Variants in REEP1 observed in about 807,000 individuals in gnomAD.
The protein encoded by REEP1 is receptor expression-enhancing protein 1.
Under a neutral mutation model 40.3 loss-of-function variants are expected in REEP1, and 22 were observed. That is an observed-to-expected ratio of 0.55 (90% CI 0.39 to 0.78). The LOEUF (loss-of-function observed/expected upper bound fraction) is 0.78. REEP1 is among the 30% of genes least tolerant of loss of function. The pLI, the probability that REEP1 is intolerant of heterozygous loss-of-function variation, is 0.00. For missense variants in REEP1, 280 were observed against 361.1 expected (o/e 0.78, Z 1.82); for synonymous variants, 116 against 139.2 (o/e 0.83, Z 1.17).
chr2:86,216,994 A>G lies in REEP1; in HGVS notation c.*45T>C, dbSNP rs146261762. 241 of 1,548,676 alleles carry G rather than the reference A, an allele frequency of 1.6e-4. 2 individuals are homozygous for G. The African/African-American group carries it at 2.8e-3, about 18-fold the overall frequency. On this transcript the variant is annotated 3_prime_UTR_variant, in exon 9 of 9. Transcript: ENST00000538924. ...TTATTAGTGAATAGCTCTTTAAGGC[A>G]GAGAAGAAACATTCTGTGGATCCGG...
intron 1 of REEP1, among the ~76,000 whole-genome samples, chr2:86,325,805 G>C (rs1298486689): frequency 6.6e-6 from 1 of 152,188 alleles, no homozygotes; most frequent in African/African-American, 2.4e-5. Flanking sequence ...AGAAACCTCT[G>C]TTGTTTTAAA....
chr2:86,329,022 G>C (rs1054450892), intron 1 of REEP1, among the ~76,000 whole-genome samples: 7 of 152,204 alleles, frequency 4.6e-5, no homozygotes, highest in Admixed American at 3.9e-4. Flanking sequence ...AGGTCACACA[G>C]ACTTGAAGGA....
chr2:86,284,524 G>C (rs1678284633), intron 1 of REEP1, among the ~76,000 whole-genome samples: 1 of 152,226 alleles, frequency 6.6e-6, no homozygotes, highest in African/African-American at 2.4e-5. Flanking sequence ...TCGGTAGCGA[G>C]GTGGACGCCA....
At chr2:86,318,978 G>A (rs748428580) in intron 1 of REEP1, among the ~76,000 whole-genome samples, 2 of 152,040 alleles carry the variant, frequency 1.3e-5, no homozygotes, top group Non-Finnish European at 2.9e-5. Context: ...ATTGATATTC[G>A]ATATCAGTGT....
intron 5 of REEP1, among the ~76,000 whole-genome samples, chr2:86,235,614 G>A (rs755023005): frequency 1.4e-4 from 21 of 152,122 alleles, no homozygotes; most frequent in African/African-American, 4.1e-4. Flanking sequence ...CCAAATAAAC[G>A]GCCAGGGACG....
intron 2 of REEP1, among the ~76,000 whole-genome samples, chr2:86,271,562 A>G (rs1381615857): frequency 1.3e-5 from 2 of 152,222 alleles, no homozygotes; most frequent in African/African-American, 4.8e-5. Flanking sequence ...CAAAAAATGA[A>G]AGCTGTTCTG....
At chr2:86,262,635 T>C (rs1402135439) in intron 3 of REEP1, among the ~76,000 whole-genome samples, 1 of 152,232 alleles carries the variant, frequency 6.6e-6, no homozygotes, top group African/African-American at 2.4e-5. Context: ...CAGAGGGTAA[T>C]TTCATACTGA....
At chr2:86,230,448 T>TA (rs1674948396) in intron 6 of REEP1, among the ~76,000 whole-genome samples, 1 of 152,226 alleles carries the variant, frequency 6.6e-6, no homozygotes, top group Admixed American at 6.5e-5. Flanking sequence ...CACAGACTCT[T>TA]AGAGGCAAAG....
At chr2:86,225,749 G>C (rs1334485188) in intron 7 of REEP1, among the ~76,000 whole-genome samples, 2 of 152,228 alleles carry the variant, frequency 1.3e-5, no homozygotes, top group Non-Finnish European at 2.9e-5. Flanking sequence ...AGCTATATTA[G>C]GCACCTTGCG....
intron 1 of REEP1, among the ~76,000 whole-genome samples, chr2:86,305,934 G>A (rs982095533): frequency 6.6e-6 from 1 of 152,132 alleles, no homozygotes; most frequent in Admixed American, 6.5e-5. Context: ...CGGGCCACTC[G>A]CCTGCTCGTA....
At chr2:86,260,843 C>T (rs1274197115) in intron 3 of REEP1, among the ~76,000 whole-genome samples, 1 of 152,204 alleles carries the variant, frequency 6.6e-6, no homozygotes, top group Admixed American at 6.5e-5. Flanking sequence ...ATGATTCCAC[C>T]TGTACTTCCG....
chr2:86,332,568 C>T (rs985156197), intron 1 of REEP1, among the ~76,000 whole-genome samples: 4 of 152,068 alleles, frequency 2.6e-5, no homozygotes, highest in African/African-American at 9.7e-5. Context: ...CTCCCCAGGG[C>T]TCCTCCTCCC....
At chr2:86,336,826 CCT>C (rs1301229305) in intron 1 of REEP1, 1 of 152,380 alleles carries the variant, frequency 6.6e-6, no homozygotes, top group African/African-American at 2.4e-5. Context: ...GGTACCTGCC[CCT>C]GTCTCTCAAT....
chr2:86,332,271 T>C (rs1680804184), intron 1 of REEP1, among the ~76,000 whole-genome samples: 1 of 152,100 alleles, frequency 6.6e-6, no homozygotes. Context: ...CCCCTCTCCT[T>C]ACTTCTTTTC....
intron 1 of REEP1, among the ~76,000 whole-genome samples, chr2:86,317,193 T>C (rs1680057100): frequency 6.6e-6 from 1 of 152,162 alleles, no homozygotes; most frequent in Admixed American, 6.5e-5. Flanking sequence ...GGGGCAACTG[T>C]TCTAGGTTGG....
intron 7 of REEP1, among the ~76,000 whole-genome samples, chr2:86,225,127 G>A (rs569637615): frequency 4.6e-5 from 7 of 152,164 alleles, no homozygotes; most frequent in South Asian, 2.1e-4. Flanking sequence ...ACAGCTGAAC[G>A]CAGCCCCTTC....
chr2:86,274,837 C>T (rs1353249351), intron 2 of REEP1, among the ~76,000 whole-genome samples: 1 of 152,156 alleles, frequency 6.6e-6, no homozygotes, highest in Non-Finnish European at 1.5e-5. Flanking sequence ...GGGAAAGATG[C>T]TGTGACCCTC....
chr2:86,243,464 G>A (rs778480819), intron 5 of REEP1, among the ~76,000 whole-genome samples: 27 of 152,192 alleles, frequency 1.8e-4, no homozygotes, highest in Non-Finnish European at 4.0e-4. Flanking sequence ...ATGTCGGACC[G>A]CCAACTCCGT....
intron 1 of REEP1, among the ~76,000 whole-genome samples, chr2:86,319,027 C>A (rs1055088052): frequency 1.1e-4 from 16 of 152,074 alleles, no homozygotes; most frequent in Non-Finnish European, 1.9e-4. Context: ...AAAAGCGGAG[C>A]CCCAGAAAGG....
Sources: allele counts gnomAD v4.1 joint callset (sites outside exome capture counted in the v4.1 genomes callset), GRCh38; gene constraint gnomAD v4.1.1; transcripts MANE v1.5; gene names NCBI Gene and HGNC (gene_info 2026-07-23, HGNC 2026-07-21).